The following MADD variants were observed in gnomAD, a reference collection of about 807,000 sequenced individuals.
MADD encodes the protein MAP kinase-activating death domain protein.
Under a neutral mutation model 176.7 loss-of-function variants are expected in MADD, and 109 were observed. The ratio of observed to expected loss-of-function variants is 0.62; its 90% CI spans 0.53 to 0.72. The LOEUF is 0.72. MADD is among the 30% of genes least tolerant of loss of function. MADD has a pLI of 0.00. For missense variants in MADD, 1,914 were observed against 2,045.5 expected (o/e 0.94, Z 1.24); for synonymous variants, 771 against 771.3 (o/e 1.00, Z 0.01).
chr11:47,328,876 C>G (rs552635516), intron 32 of MADD, among the ~76,000 whole-genome samples, 170 bp from the exon 37 acceptor site: 2 of 152,298 alleles, frequency 1.3e-5, no homozygotes, highest in African/African-American at 2.4e-5. Context: ...GAGACAGACA[C>G]ACACACACGG....
chr11:47,282,349 G>A (rs2057585632), intron 8 of MADD, 32 bp from the exon 9 acceptor site: 2 of 1,578,300 alleles, frequency 1.3e-6, no homozygotes, highest in Non-Finnish European at 1.7e-6. Context: ...TACCCTATGG[G>A]TCTCAGATTA....
intron 22 of MADD, among the ~76,000 whole-genome samples, chr11:47,297,421 A>T (rs921018602): frequency 2.0e-5 from 3 of 150,934 alleles, no homozygotes; most frequent in Non-Finnish European, 3.0e-5. Flanking sequence ...TTTTGTGCTG[A>T]CAGTTTATTA....
intron 10 of MADD, among the ~76,000 whole-genome samples, chr11:47,283,382 C>T (rs1390588296): frequency 1.3e-5 from 2 of 151,522 alleles, no homozygotes; most frequent in Admixed American, 6.6e-5. Context: ...CGTGAGCCAC[C>T]GCGCCCGGCC....
exon 9 of MADD, chr11:47,282,495 T>C: frequency 6.2e-7 from 1 of 1,614,220 alleles, no homozygotes; most frequent in Non-Finnish European, 8.5e-7. Flanking sequence ...CTGGCTCCTT[T>C]CTAGCCTCAC....
At chr11:47,279,784 T>C (rs1452943507) in intron 7 of MADD, among the ~76,000 whole-genome samples, 1 of 151,994 alleles carries the variant, frequency 6.6e-6, no homozygotes, top group Non-Finnish European at 1.5e-5. Context: ...CAAAAATTCC[T>C]TTATTTGGCT....
At chr11:47,324,776 C>T in intron 30 of MADD, 199 bp downstream of exon 33, 1 of 696,918 alleles carries the variant, frequency 1.4e-6, no homozygotes, top group Middle Eastern at 2.3e-4. Context: ...TGTGAAGGTG[C>T]ACCAGGGAGC....
chr11:47,289,146 C>T (rs1287899631), intron 15 of MADD, 119 bp downstream of exon 16: 32 of 1,075,700 alleles, frequency 3.0e-5, no homozygotes, highest in Non-Finnish European at 3.9e-5. Context: ...CTGCTTGCCC[C>T]GTCCCCCGTG....
At chr11:47,309,380 G>T in exon 24 of MADD, 1 of 1,614,212 alleles carries the variant, frequency 6.2e-7, no homozygotes, top group Non-Finnish European at 8.5e-7. Context: ...ATGGACCAGG[G>T]TCCCCAGGAA....
chr11:47,319,129 AT>A (rs10717442), intron 27 of MADD, among the ~76,000 whole-genome samples: 34,231 of 128,910 alleles, frequency 0.27, 5,303 homozygotes, highest in East Asian at 0.58. Flanking sequence ...ATATATATAT[AT>A]AATTTTTTTT....
chr11:47,284,472 C>T, exon 12 of MADD: 1 of 1,614,114 alleles, frequency 6.2e-7, no homozygotes. Context: ...CTGGCCCAGA[C>T]AGTGAGAACT....
At chr11:47,316,794 A>G (rs1248845364) in intron 27 of MADD, among the ~76,000 whole-genome samples, 1 of 151,758 alleles carries the variant, frequency 6.6e-6, no homozygotes, top group Non-Finnish European at 1.5e-5. Flanking sequence ...CTCAGGCTGG[A>G]GTGCAGTGGT....
At chr11:47,278,931 A>G in intron 6 of MADD, 68 bp from the exon 7 acceptor site, 2 of 1,328,860 alleles carry the variant, frequency 1.5e-6, no homozygotes, top group Non-Finnish European at 2.2e-6. Flanking sequence ...TCTTATTTTT[A>G]TTTATGTAAG....
chr11:47,282,390 G>A (rs779048806), exon 9 of MADD: 13 of 1,614,068 alleles, frequency 8.1e-6, no homozygotes, highest in Non-Finnish European at 1.1e-5. Flanking sequence ...GGGTTGCCAT[G>A]GTACGGTTCT....
intron 15 of MADD, chr11:47,289,008 C>T (rs757022448): frequency 1.2e-5 from 19 of 1,594,428 alleles, no homozygotes; most frequent in East Asian, 9.0e-5. Context: ...TTACTGAAGC[C>T]GGCCCCGGGA....
At chr11:47,291,428 C>T (rs1286566646) in intron 19 of MADD, among the ~76,000 whole-genome samples, 1 of 152,178 alleles carries the variant, frequency 6.6e-6, no homozygotes, top group Non-Finnish European at 1.5e-5. Flanking sequence ...TTCTAGGCAT[C>T]ACCTCTGTTT....
intron 22 of MADD, among the ~76,000 whole-genome samples, chr11:47,299,585 CTTTTTTTT>C (rs1185948034): frequency 4.8e-5 from 2 of 41,518 alleles, no homozygotes; most frequent in South Asian, 1.0e-3. Context: ...GATTTTAGGG[CTTTTTTTT>C]TTTTTTTTTT....
chr11:47,323,045 C>T (rs901754233), intron 27 of MADD, among the ~76,000 whole-genome samples: 1 of 152,168 alleles, frequency 6.6e-6, no homozygotes, highest in African/African-American at 2.4e-5. Flanking sequence ...CGAGACCAGC[C>T]TGGCCAACAT....
At chr11:47,282,663 T>C in intron 9 of MADD, 47 bp downstream of exon 9, 4 of 1,599,048 alleles carry the variant, frequency 2.5e-6, no homozygotes, top group Non-Finnish European at 3.4e-6. Flanking sequence ...GCCTCTGTCC[T>C]CCTGATGGAC....
At chr11:47,286,915 G>A (rs1228999716) in intron 15 of MADD, among the ~76,000 whole-genome samples, 1 of 152,186 alleles carries the variant, frequency 6.6e-6, no homozygotes. Flanking sequence ...TGGTTATGGA[G>A]AGCCTGGCAG....
Sources: allele counts gnomAD v4.1 joint callset (sites outside exome capture counted in the v4.1 genomes callset), GRCh38; gene constraint gnomAD v4.1.1; transcripts MANE v1.5; gene names NCBI Gene and HGNC (gene_info 2026-07-23, HGNC 2026-07-21).